Variants in STAG1 observed in about 807,000 individuals in gnomAD.
STAG1 encodes the protein STAG1 cohesin complex component, also known as cohesin subunit SA-1.
Under a neutral mutation model 170.9 loss-of-function variants are expected in STAG1, and 26 were observed. That is an observed-to-expected ratio of 0.15 (90% CI 0.11 to 0.21). The LOEUF is 0.21. Ranked by LOEUF, STAG1 falls within the 10% of genes least tolerant of loss-of-function variation. The pLI, the probability that STAG1 is intolerant of heterozygous loss-of-function variation, is 1.00. For synonymous variants in STAG1, 514 were observed against 497.7 expected, an observed-to-expected ratio of 1.03 and a Z score of -0.44; for missense variants, 964 against 1,509.5, an observed-to-expected ratio of 0.64 and a Z score of 5.99.
intron 7 of STAG1, among the ~76,000 whole-genome samples, chr3:136,509,426 T>C (rs1933939787): frequency 6.7e-6 from 1 of 150,298 alleles, no homozygotes; most frequent in Non-Finnish European, 1.5e-5. Context: ...CCAGCCCTTA[T>C]GGTATGTATT....
At position 136,746,543 on chromosome 3, in the gene STAG1, C is replaced by A. The variant is rs533864988; in HGVS notation, c.-84+5652G>T. ...ATCCTTGGCTAACCTGTCTTAATTGCCTCTTCATGAAAATATTTTGCTTCT... is the reference window on the plus strand; with the variant it reads ...ATCCTTGGCTAACCTGTCTTAATTGACTCTTCATGAAAATATTTTGCTTCT... On this transcript the variant is annotated intron_variant, in intron 1 of 33. Transcript: ENST00000383202. Among the ~76,000 whole-genome samples, 12 of 152,224 alleles carry A rather than the reference C, an allele frequency of 7.9e-5. No homozygotes were observed. The East Asian group carries it at 2.3e-3, about 29-fold the overall frequency.
intron 1 of STAG1, among the ~76,000 whole-genome samples, chr3:136,712,862 A>C (rs541604391): frequency 1.3e-3 from 201 of 152,200 alleles, no homozygotes; most frequent in Non-Finnish European, 2.4e-3. Context: ...AGGCTGAGGC[A>C]GGTGGATCAC....
At chr3:136,434,958 G>C (rs2088413108) in intron 15 of STAG1, among the ~76,000 whole-genome samples, 1 of 152,096 alleles carries the variant, frequency 6.6e-6, no homozygotes, top group African/African-American at 2.4e-5. Context: ...TGTTAAACCA[G>C]ATTTCCCTTT....
chr3:136,400,410 G>A (rs892482047), intron 21 of STAG1, among the ~76,000 whole-genome samples: 6 of 151,898 alleles, frequency 4.0e-5, no homozygotes, highest in South Asian at 2.1e-4. Flanking sequence ...TAGTAGAGAC[G>A]GGGTTTTGCC....
At chr3:136,436,860 G>C (rs917961869) in intron 15 of STAG1, among the ~76,000 whole-genome samples, 9 of 152,044 alleles carry the variant, frequency 5.9e-5, no homozygotes, top group Non-Finnish European at 1.2e-4. Flanking sequence ...TCTTAATTCA[G>C]TGTTTTAACA....
At chr3:136,486,556 T>C (rs2090017054) in intron 9 of STAG1, among the ~76,000 whole-genome samples, 1 of 152,222 alleles carries the variant, frequency 6.6e-6, no homozygotes, top group South Asian at 2.1e-4. Flanking sequence ...TTTCCTCTGC[T>C]ATACTACCCT....
At chr3:136,720,626 C>T (rs1297008361) in intron 1 of STAG1, among the ~76,000 whole-genome samples, 3 of 152,046 alleles carry the variant, frequency 2.0e-5, no homozygotes, top group Non-Finnish European at 1.5e-5. Flanking sequence ...CCTGTCTCTA[C>T]TAAAAATACA....
chr3:136,580,030 C>G (rs575754643), intron 4 of STAG1, among the ~76,000 whole-genome samples: 23 of 122,408 alleles, frequency 1.9e-4, no homozygotes, highest in African/African-American at 7.5e-4. Flanking sequence ...TCCAGTGGTG[C>G]GATCTCGGCT....
chr3:136,464,735 G>T, intron 13 of STAG1, 146 bp downstream of exon 13: 1 of 580,872 alleles, frequency 1.7e-6, no homozygotes, highest in Non-Finnish European at 3.0e-6. Flanking sequence ...TGTATACATA[G>T]GCTGTGAGGC....
intron 1 of STAG1, among the ~76,000 whole-genome samples, chr3:136,671,296 A>C (rs762383600): frequency 6.6e-6 from 1 of 151,946 alleles, no homozygotes; most frequent in South Asian, 2.1e-4. Context: ...AAATAAAAAG[A>C]AAGCACACAC....
intron 16 of STAG1, among the ~76,000 whole-genome samples, chr3:136,425,919 A>C (rs898008214): frequency 4.0e-5 from 6 of 151,680 alleles, no homozygotes; most frequent in Non-Finnish European, 8.8e-5. Flanking sequence ...TCAAAAGCAG[A>C]ACAATAACCA....
At chr3:136,708,967 CTTTTTTTTTTT>C (rs61595071) in intron 1 of STAG1, among the ~76,000 whole-genome samples, 4 of 86,060 alleles carry the variant, frequency 4.6e-5, no homozygotes, top group East Asian at 9.6e-4. Flanking sequence ...CTGCAGCTGG[CTTTTTTTTTTT>C]TTTTTTTTTT....
chr3:136,556,712 AACTGAG>A (rs1936635470), intron 5 of STAG1, among the ~76,000 whole-genome samples: 1 of 151,778 alleles, frequency 6.6e-6, no homozygotes, highest in Admixed American at 6.6e-5. Context: ...CCTCCCAAGT[AACTGAG>A]ACTACAGGCA....
chr3:136,713,772 C>T (rs1943449039), intron 1 of STAG1, among the ~76,000 whole-genome samples: 1 of 152,006 alleles, frequency 6.6e-6, no homozygotes, highest in African/African-American at 2.4e-5. Context: ...CCTTTAATCC[C>T]AGCGCTTTGG....
At chr3:136,458,149 T>TTTTG (rs144497876) in intron 13 of STAG1, among the ~76,000 whole-genome samples, 6 of 151,960 alleles carry the variant, frequency 3.9e-5, no homozygotes, top group Admixed American at 1.3e-4. Flanking sequence ...TTTTTTTCTG[T>TTTTG]TTTGTTTGTT....
chr3:136,475,657 G>C (rs896405213), intron 10 of STAG1, among the ~76,000 whole-genome samples: 3 of 152,202 alleles, frequency 2.0e-5, no homozygotes, highest in African/African-American at 7.2e-5. Flanking sequence ...AGTCTTGATA[G>C]TTCCTGACGT....
At chr3:136,424,805 A>C (rs1287245892) in intron 16 of STAG1, among the ~76,000 whole-genome samples, 1 of 152,118 alleles carries the variant, frequency 6.6e-6, no homozygotes, top group Non-Finnish European at 1.5e-5. Flanking sequence ...CTATCTCACC[A>C]ACACACCTGG....
intron 14 of STAG1, among the ~76,000 whole-genome samples, chr3:136,449,836 T>C (rs969042815): frequency 6.6e-6 from 1 of 151,812 alleles, no homozygotes. Context: ...TTAGCGAAGA[T>C]CATCATATTC....
chr3:136,621,419 G>A (rs1449834795), intron 3 of STAG1, among the ~76,000 whole-genome samples: 2 of 152,070 alleles, frequency 1.3e-5, no homozygotes, highest in African/African-American at 4.8e-5. Context: ...AGATTGCCAG[G>A]ATAGCAATGA....
Sources: gnomAD v4.1 joint callset for allele counts (sites outside exome capture counted in the v4.1 genomes callset) on GRCh38, gnomAD v4.1.1 for gene constraint, MANE v1.5 for transcripts, NCBI Gene and HGNC (gene_info 2026-07-23, HGNC 2026-07-21) for gene names.